Variants in UBE2D3 observed in about 807,000 individuals in gnomAD.
UBE2D3 encodes the protein ubiquitin-conjugating enzyme E2 D3.
In UBE2D3, 2 loss-of-function variants were observed where a neutral mutation model predicts 22.8. The observed-to-expected ratio is 0.09, with a 90% CI of 0.04 to 0.28. The LOEUF (loss-of-function observed/expected upper bound fraction) is 0.28, where lower values mean the gene tolerates loss of function less well. Ranked by LOEUF, UBE2D3 falls within the 10% of genes least tolerant of loss-of-function variation. The pLI, the probability that UBE2D3 is intolerant of heterozygous loss-of-function variation, is 1.00. For missense variants in UBE2D3, 27 were observed against 182.5 expected (o/e 0.15, Z 4.91); for synonymous variants, 56 against 60.4 (o/e 0.93, Z 0.34).
At chr4:102,855,472 G>A (rs1006814888) in intron 1 of UBE2D3, among the ~76,000 whole-genome samples, 3 of 152,172 alleles carry the variant, frequency 2.0e-5, no homozygotes, top group African/African-American at 7.2e-5. Flanking sequence ...TGTTGCCCAA[G>A]CTGGAGCAAT....
intron 4 of UBE2D3, among the ~76,000 whole-genome samples, chr4:102,807,677 A>G (rs1727281162): frequency 1.3e-5 from 2 of 152,230 alleles, no homozygotes; most frequent in Non-Finnish European, 1.5e-5. Flanking sequence ...CCTGAAATAT[A>G]TATTTAAAAA....
upstream of UBE2D3, among the ~76,000 whole-genome samples, chr4:102,830,091 T>TA (rs1027396566): frequency 6.6e-6 from 1 of 152,354 alleles, no homozygotes; most frequent in African/African-American, 2.4e-5. Flanking sequence ...TAAGTGGACT[T>TA]ACATTTCTGC....
At chr4:102,843,058 C>T (rs1006084099) in intron 1 of UBE2D3, among the ~76,000 whole-genome samples, 16 of 152,094 alleles carry the variant, frequency 1.1e-4, no homozygotes, top group African/African-American at 3.6e-4. Context: ...TGCAATGAGC[C>T]GAGATCTTGC....
intron 1 of UBE2D3, among the ~76,000 whole-genome samples, chr4:102,847,917 T>G (rs1194131292): frequency 6.6e-6 from 1 of 152,100 alleles, no homozygotes; most frequent in Non-Finnish European, 1.5e-5. Context: ...AATAGGGGAC[T>G]ACAGGTATTA....
intron 1 of UBE2D3, among the ~76,000 whole-genome samples, chr4:102,852,492 A>G (rs189906659): frequency 6.6e-6 from 1 of 152,328 alleles, no homozygotes; most frequent in African/African-American, 2.4e-5. Flanking sequence ...CTCTATAGGT[A>G]TTGGTGTATT....
rs1266678351 is a variant in UBE2D3, at chr4:102,796,512, C to T, written c.*903G>A. 6.6e-6 allele frequency: 1 copy of T among 152,364 alleles called. No individual in the cohort carries two copies. The highest frequency in any genetic ancestry group is 1.5e-5 in the Non-Finnish European group (1 of 67,878). The allele number at this position is 152,364 out of a possible 1,614,324, so 9.4% of individuals were successfully genotyped here. A position where few individuals can be genotyped will look rare whatever the true frequency, so the allele number is the denominator to read the frequency against. On this transcript the variant is annotated 3_prime_UTR_variant, in exon 8 of 8. Transcript: ENST00000453744. ...TTGATGTCAAACAATGAAGCAAATC[C>T]CAACAGTATATACAAAAAACAGCTT...
intron 2 of UBE2D3, 133 bp downstream of exon 2, chr4:102,826,352 C>T: frequency 8.7e-7 from 1 of 1,146,076 alleles, no homozygotes; most frequent in South Asian, 1.3e-5. Context: ...TATCTGCGTT[C>T]TCCATCCCCC....
chr4:102,860,415 GTGTGTGTA>G lies in UBE2D3; in HGVS notation c.-129+8292_-129+8299del, dbSNP rs772122436. ...TGTCATGTTTTCCTGGTGTGTGTGT[GTGTGTGTA>G]TGTGTGTGTGTGTGTGTTCTTTTAA... On this transcript the variant is annotated intron_variant, in intron 1 of 7. Transcript: ENST00000338145. Among the ~76,000 whole-genome samples the G allele has an allele frequency of 2.5e-3, 311 of 123,788 alleles. 2 individuals are homozygous for G. The highest frequency in any genetic ancestry group is 8.1e-3 in the African/African-American group (240 of 29,674). 81.2% of individuals were successfully genotyped at this position (123,788 alleles called of 152,430 possible). A position where few individuals can be genotyped will look rare whatever the true frequency, so the allele number is the denominator to read the frequency against.
intron 2 of UBE2D3, among the ~76,000 whole-genome samples, chr4:102,823,931 A>AAATAGGTACGT (rs1730031214): frequency 6.6e-6 from 1 of 152,222 alleles, no homozygotes; most frequent in Non-Finnish European, 1.5e-5. Context: ...AATAAATTCG[A>AAATAGGTACGT]AATAGGTACG....
intron 6 of UBE2D3, among the ~76,000 whole-genome samples, chr4:102,800,438 T>C (rs769266885): frequency 3.9e-5 from 6 of 152,026 alleles, no homozygotes; most frequent in Admixed American, 1.3e-4. Context: ...AAAAAGTAAG[T>C]TGCTTTAACG....
rs575443532 is a variant in UBE2D3 at position 102,803,822 on chromosome 4, G to A, written c.121-1184C>T. Among the ~76,000 whole-genome samples the A allele has an allele frequency of 3.3e-5, 5 of 152,318 alleles. No homozygotes were observed. The East Asian group carries it at 9.7e-4, about 29-fold the overall frequency. ...CTCACTCTGTCGCTCAGGCTTAAGC[G>A]CAGTGGCACGATCTCAGCTCACTGC... On this transcript the variant is annotated intron_variant, in intron 4 of 7. Transcript: ENST00000453744.
chr4:102,797,670 TTAAAAACAAC>T (rs1159464404), intron 7 of UBE2D3, among the ~76,000 whole-genome samples: 11 of 151,882 alleles, frequency 7.2e-5, no homozygotes, highest in African/African-American at 2.2e-4. Context: ...AAGTAGTATT[TTAAAAACAAC>T]TAAGAAAGCA....
chr4:102,809,566 G>C lies in UBE2D3; in HGVS notation c.120+106C>G, dbSNP rs967285798. ...GTACAACTATGGAATATCCAAAATA[G>C]AATTAACTATATGATAAAATAAACC... On this transcript the variant is annotated intron_variant, in intron 4 of 7. Transcript: ENST00000453744. The C allele has an allele frequency of 5.9e-6, 7 of 1,180,400 alleles. No homozygotes were observed. The African/African-American group carries it at 9.4e-5, about 16-fold the overall frequency. The allele number at this position is 1,180,400 out of a possible 1,614,324, so 73.1% of individuals were successfully genotyped here. A position where few individuals can be genotyped will look rare whatever the true frequency, so the allele number is the denominator to read the frequency against.
chr4:102,824,503 C>T (rs534233985), intron 2 of UBE2D3, among the ~76,000 whole-genome samples: 15 of 152,298 alleles, frequency 9.8e-5, no homozygotes, highest in African/African-American at 3.6e-4. Flanking sequence ...ATTTATTGTT[C>T]ATATTACAAC....
intron 1 of UBE2D3, among the ~76,000 whole-genome samples, chr4:102,853,144 T>C (rs1033786991): frequency 6.0e-5 from 7 of 115,962 alleles, no homozygotes; most frequent in African/African-American, 1.5e-4. Flanking sequence ...CATTTTTTTT[T>C]TTTTTTTTTT....
chr4:102,843,580 G>C (rs940129459), intron 1 of UBE2D3: 4 of 152,108 alleles, frequency 2.6e-5, no homozygotes, highest in Admixed American at 1.3e-4. Context: ...TCATCATAAT[G>C]AGTTCCCTCT....
At chr4:102,857,797 A>ACC (rs1405629228) in intron 1 of UBE2D3, among the ~76,000 whole-genome samples, 1,523 of 151,264 alleles carry the variant, frequency 0.01, 10 homozygotes, top group Non-Finnish European at 0.017. Flanking sequence ...GGGTTCAAGC[A>ACC]ATTCTTCTGC....
intron 1 of UBE2D3, among the ~76,000 whole-genome samples, chr4:102,848,077 T>C (rs223362): frequency 0.56 from 85,548 of 152,040 alleles, 25,068 homozygotes; most frequent in African/African-American, 0.74. Flanking sequence ...ACCTCTGGCA[T>C]AAACGGGTTA....
At chr4:102,835,034 A>G (rs1460980248) in intron 1 of UBE2D3, among the ~76,000 whole-genome samples, 1 of 152,120 alleles carries the variant, frequency 6.6e-6, no homozygotes, top group Non-Finnish European at 1.5e-5. Context: ...CTCTGTGGGT[A>G]TCCTTAGTGT....
Sources: gnomAD v4.1 joint callset for allele counts (sites outside exome capture counted in the v4.1 genomes callset) on GRCh38, gnomAD v4.1.1 for gene constraint, MANE v1.5 for transcripts, NCBI Gene and HGNC (gene_info 2026-07-23, HGNC 2026-07-21) for gene names.